CACNA1I: variants seen among roughly 807,000 people sequenced by gnomAD.
CACNA1I encodes voltage-dependent T-type calcium channel subunit alpha-1I.
In CACNA1I, 74 loss-of-function variants were observed where a neutral mutation model predicts 201.6. That is an observed-to-expected ratio of 0.37 (90% CI 0.30 to 0.45). The LOEUF (loss-of-function observed/expected upper bound fraction) is 0.45, where lower values mean the gene tolerates loss of function less well. Among genes scored for constraint, CACNA1I ranks in the 20% least tolerant of loss-of-function variants. The pLI is 1.00. For synonymous variants in CACNA1I, 1,431 were observed against 1,345.2 expected, an observed-to-expected ratio of 1.06 and a Z score of -1.40; for missense variants, 2,346 against 3,138.1, an observed-to-expected ratio of 0.75 and a Z score of 6.03.
intron 24 of CACNA1I, 71 bp from the exon 25 acceptor site, chr22:39,669,967 C>T: frequency 6.4e-7 from 1 of 1,563,248 alleles, no homozygotes. Context: ...GAGGCTCAGC[C>T]AGGATGGGCA....
Position 39,677,625 on chromosome 22 carries a change from G to A in CACNA1I, c.4933+206G>A, listed in dbSNP as rs1048899199. ...GTGTTGGTGCCTGTCCTGAGCCAGC[G>A]CCACCCCAGCAAGTGGAGAGGCCAG... On this transcript the variant is annotated intron_variant, in intron 30 of 36. Coordinates refer to ENST00000402142, the MANE Select transcript of CACNA1I (RefSeq NM_021096.4). This position sits in a 1 kb window ranked among gnomAD's most constrained non-coding sequence, Gnocchi z 4.8. Among the ~76,000 whole-genome samples the A allele has an allele frequency of 2.6e-5, 4 of 152,142 alleles. No homozygotes were observed. The highest frequency in any genetic ancestry group is 4.4e-5 in the Non-Finnish European group (3 of 68,020).
rs1156921196 is a variant in CACNA1I, at chr22:39,658,232, G to A, written c.2073G>A (p.Leu691=). Reference sequence around the variant, plus strand: ...TTGCCCTGGAGATGATCCTGAAGCTGGCTGCATTTGGGCTCTTCGACTACC... The same window carrying A: ...TTGCCCTGGAGATGATCCTGAAGCTAGCTGCATTTGGGCTCTTCGACTACC... The part of the protein sequence containing the change: ...SMFALEMILK[L]AAFGLFDYLR... The change falls in exon 11 of 37, where the codon CTG becomes CTA. Residue 691 remains leucine, a synonymous_variant. Coordinates refer to ENST00000402142, the MANE Select transcript of CACNA1I (RefSeq NM_021096.4). 1 of 1,613,960 alleles carries A rather than the reference G, an allele frequency of 6.2e-7. No homozygotes were observed. Among genetic ancestry groups the A allele is most frequent in the Admixed American group, 1.7e-5 (1 of 60,016 alleles).
chr22:39,662,587 G>C (rs1935061264), intron 17 of CACNA1I, among the ~76,000 whole-genome samples, 152 bp downstream of exon 17: 1 of 151,572 alleles, frequency 6.6e-6, no homozygotes. Context: ...TGAGGCAGGA[G>C]GGGTGGGGCC....
At chr22:39,618,739 G>C (rs1933638848) in intron 3 of CACNA1I, among the ~76,000 whole-genome samples, 1 of 151,898 alleles carries the variant, frequency 6.6e-6, no homozygotes, top group South Asian at 2.1e-4. Flanking sequence ...GGGCAGGGGG[G>C]GTCATCCTGG....
In CACNA1I at chr22:39,662,408, C is replaced by T. The variant is rs1359305292; in HGVS notation, c.3345C>T (p.Arg1115=). The change falls in exon 17 of 37, where the codon CGC becomes CGT. Residue 1115 remains arginine, a synonymous_variant. Transcript: ENST00000402142. ...CCAAGATGGGCGACCGCGGGGATCG[C>T]GGGGAGGATGAGGAGGAAATCGACT... ...VFTKMGDRGD[R]GEDEEEIDYT... 1.4e-6 allele frequency: 2 copies of T among 1,459,138 alleles called. No homozygotes were observed. The highest frequency in any genetic ancestry group is 2.8e-5 in the East Asian group (1 of 35,974). The allele number at this position is 1,459,138 out of a possible 1,614,324, so 90.4% of individuals were successfully genotyped here.
chr22:39,633,611 A>G (rs1934124930), intron 4 of CACNA1I, among the ~76,000 whole-genome samples: 1 of 152,232 alleles, frequency 6.6e-6, no homozygotes, highest in Non-Finnish European at 1.5e-5. Context: ...AGGGAACAGC[A>G]GGGATAAAAG....
intron 7 of CACNA1I, among the ~76,000 whole-genome samples, chr22:39,643,799 A>C (rs1479410807): frequency 1.3e-5 from 2 of 152,200 alleles, no homozygotes; most frequent in Non-Finnish European, 2.9e-5. Context: ...GAGGGGCCAG[A>C]TTTTATTCAG....
In CACNA1I at chr22:39,620,258, TCC is replaced by T. The variant is rs1167383610; in HGVS notation, c.580+852_580+853del. On this transcript the variant is annotated intron_variant, in intron 4 of 36. Transcript: ENST00000402142. Reference sequence around the variant, plus strand: ...ACCTGTCCATCCATCCATCCATCCATCCATCCATCCATCCATCCATACGTACA... The same window carrying T: ...ACCTGTCCATCCATCCATCCATCCATATCCATCCATCCATCCATACGTACA... 8.2e-4 allele frequency among the ~76,000 whole-genome samples: 111 copies of T among 135,196 alleles called. 1 individual carries two copies. The highest frequency in any genetic ancestry group is 1.9e-3 in the African/African-American group (71 of 37,910). 88.7% of individuals were successfully genotyped at this position (135,196 alleles called of 152,430 possible). A position where few individuals can be genotyped will look rare whatever the true frequency, so the allele number is the denominator to read the frequency against.
intron 2 of CACNA1I, among the ~76,000 whole-genome samples, chr22:39,598,941 GTTTTTTTTTTT>G (rs3044380): frequency 1.6e-4 from 11 of 68,242 alleles, no homozygotes; most frequent in African/African-American, 2.6e-4. Flanking sequence ...TGCCTCTTGG[GTTTTTTTTTTT>G]TTTTTTTTTT....
intron 5 of CACNA1I, among the ~76,000 whole-genome samples, chr22:39,636,147 C>A (rs985598685): frequency 6.6e-6 from 1 of 152,206 alleles, no homozygotes; most frequent in Non-Finnish European, 1.5e-5. Flanking sequence ...AGGCTGGGAG[C>A]GAGAACCAGT....
rs769561916 is a variant in CACNA1I at position 39,659,032 on chromosome 22, G to A, written c.2246G>A (p.Arg749Gln). The A allele has an allele frequency of 5.0e-6, 8 of 1,612,894 alleles. No homozygotes were observed. Among genetic ancestry groups the A allele is most frequent in the East Asian group, 2.2e-5 (1 of 44,882 alleles). The change falls in exon 12 of 37, where the codon CGG becomes CAG. Residue 749 changes from arginine (R) to glutamine (Q), a missense_variant. Arg to Gln is a conservative substitution (Grantham distance 43, BLOSUM62 1). This residue lies in a region of CACNA1I where 155 missense variants were observed against 300.8 expected (regional missense o/e 0.52). Transcript: ENST00000402142. The surrounding 1 kb of genome is among the most constrained non-coding windows in gnomAD (Gnocchi z 4.3). The stretch of plus-strand genomic sequence containing the variant: ...CTGGTGCGCTTCATGCCTGCCCTGC[G>A]GCGCCAGCTCGTGGTGCTCATGAAG... Reference protein sequence around the residue: ...LKLVRFMPALRRQLVVLMKTM... With the variant: ...LKLVRFMPALQRQLVVLMKTM...
chr22:39,583,283 A>G (rs1346180035), intron 1 of CACNA1I, among the ~76,000 whole-genome samples: 1 of 143,864 alleles, frequency 7.0e-6, no homozygotes, highest in Non-Finnish European at 1.5e-5. Context: ...CACCCTTCCA[A>G]CCCTCCAACC....
chr22:39,582,436 T>G (rs918870419), intron 1 of CACNA1I, among the ~76,000 whole-genome samples: 1 of 152,072 alleles, frequency 6.6e-6, no homozygotes, highest in African/African-American at 2.4e-5. Flanking sequence ...GTGCACAGGA[T>G]AGAGGATAGA....
intron 3 of CACNA1I, among the ~76,000 whole-genome samples, chr22:39,616,598 C>T (rs149054717): frequency 3.3e-5 from 5 of 152,072 alleles, no homozygotes; most frequent in Non-Finnish European, 2.9e-5. Context: ...AACTCCATCT[C>T]TACTAAAAAT....
At chr22:39,661,872 G>T in intron 16 of CACNA1I, 93 bp from the exon 17 acceptor site, 1 of 789,946 alleles carries the variant, frequency 1.3e-6, no homozygotes, top group Non-Finnish European at 1.9e-6. Context: ...TGGTCTTAGA[G>T]CCACAGCGGG....
At chr22:39,682,858 T>C (rs901497482) in intron 35 of CACNA1I, among the ~76,000 whole-genome samples, 197 bp downstream of exon 35, 9 of 152,034 alleles carry the variant, frequency 5.9e-5, no homozygotes, top group African/African-American at 2.2e-4. Flanking sequence ...AAGAGCCAAA[T>C]AGTACAAAAA....
At position 39,678,967 on chromosome 22, in the gene CACNA1I, T is replaced by C. The variant is rs943300209; in HGVS notation, c.5056-140T>C. ...AGGCAGATGCCGCAACAAGGCAGAG[T>C]GGGGCAGGGCAGCCCGGGGCCATCT... is the stretch of plus-strand genomic sequence containing the variant. On this transcript the variant is annotated intron_variant, in intron 31 of 36. Coordinates refer to ENST00000402142, the MANE Select transcript of CACNA1I (RefSeq NM_021096.4). The C allele has an allele frequency of 4.7e-6, 3 of 633,458 alleles. No homozygotes were observed. In the Middle Eastern group the frequency reaches 1.2e-3, roughly 252 times the overall value. The allele number at this position is 633,458 out of a possible 1,614,324, so 39.2% of individuals were successfully genotyped here.
chr22:39,578,954 G>T (rs146651904), intron 1 of CACNA1I, among the ~76,000 whole-genome samples: 1 of 152,238 alleles, frequency 6.6e-6, no homozygotes, highest in East Asian at 1.9e-4. Flanking sequence ...AACCCCACCA[G>T]CCCCACAAGC....
At chr22:39,679,950 T>C in intron 33 of CACNA1I, 82 bp downstream of exon 33, 3 of 1,420,742 alleles carry the variant, frequency 2.1e-6, no homozygotes, top group East Asian at 2.4e-5. Context: ...GGGCAGAGCC[T>C]GGCTCTGGGC....
Sources: gnomAD v4.1 joint callset for allele counts (sites outside exome capture counted in the v4.1 genomes callset) on GRCh38, gnomAD v4.1.1 for gene constraint, gnomAD v4.1.1 regional missense constraint, Gnocchi (gnomAD v3.1) non-coding constraint, MANE v1.5 for transcripts, NCBI Gene and HGNC (gene_info 2026-07-23, HGNC 2026-07-21) for gene names.